EYA2: variants seen among roughly 807,000 people sequenced by gnomAD.
The protein encoded by EYA2 is protein phosphatase EYA2.
A neutral mutation model predicts 69.2 loss-of-function variants in EYA2; 31 were observed. That is an observed-to-expected ratio of 0.45 (90% confidence interval 0.34 to 0.60). The LOEUF is 0.60. EYA2 is among the 20% of genes least tolerant of loss of function. EYA2 has a pLI of 0.02. For synonymous variants in EYA2, 257 were observed against 279.4 expected, an observed-to-expected ratio of 0.92 and a Z score of 0.80; for missense variants, 622 against 701.2, an observed-to-expected ratio of 0.89 and a Z score of 1.28.
At chr20:46,991,282 A>AG (rs995163725) in intron 2 of EYA2, among the ~76,000 whole-genome samples, 10 of 152,362 alleles carry the variant, frequency 6.6e-5, no homozygotes, top group Non-Finnish European at 1.2e-4. Context: ...TAGGCTGCTC[A>AG]GGGGGGAATC....
At chr20:46,920,234 T>A (rs202044196) in intron 1 of EYA2, among the ~76,000 whole-genome samples, 5 of 149,410 alleles carry the variant, frequency 3.3e-5, no homozygotes, top group Non-Finnish European at 5.9e-5. Context: ...TTAATTTGTT[T>A]AAAAAAAAAA....
At chr20:47,140,737 T>G (rs1164416099) in intron 9 of EYA2, among the ~76,000 whole-genome samples, 1 of 152,202 alleles carries the variant, frequency 6.6e-6, no homozygotes, top group African/African-American at 2.4e-5. Flanking sequence ...TTAGTCCATT[T>G]AGTGTTGCTA....
intron 9 of EYA2, among the ~76,000 whole-genome samples, chr20:47,135,836 A>AAAAAAAAAAAAAAAAAAAAAAAG (rs2033454991): frequency 1.2e-5 from 1 of 83,336 alleles, no homozygotes; most frequent in African/African-American, 7.7e-5. Flanking sequence ...AAAAAAAAAA[A>AAAAAAAAAAAAAAAAAAAAAAAG]AAAAACAAAC....
chr20:46,954,340 A>G (rs1978986669), intron 1 of EYA2, among the ~76,000 whole-genome samples: 1 of 152,210 alleles, frequency 6.6e-6, no homozygotes, highest in Non-Finnish European at 1.5e-5. Flanking sequence ...TTCAATAAAT[A>G]TTTGTGGAAG....
intron 10 of EYA2, among the ~76,000 whole-genome samples, 198 bp downstream of exon 10, chr20:47,143,346 T>C (rs2033636376): frequency 6.6e-6 from 1 of 152,202 alleles, no homozygotes; most frequent in Non-Finnish European, 1.5e-5. Context: ...GAAACACACT[T>C]AGCTCAATTA....
intron 1 of EYA2, among the ~76,000 whole-genome samples, chr20:46,979,183 C>T (rs980144189): frequency 2.6e-5 from 4 of 152,198 alleles, no homozygotes; most frequent in Admixed American, 1.3e-4. Context: ...GAAAGGTGAG[C>T]GGCCCACCCG....
At chr20:47,135,854 C>A (rs1206831) in intron 9 of EYA2, among the ~76,000 whole-genome samples, 20,462 of 57,778 alleles carry the variant, frequency 0.35, 3,141 homozygotes, top group African/African-American at 0.56. Flanking sequence ...AACAAACAAA[C>A]AAAAAACTAA....
chr20:46,971,014 T>TTAGGAAAGCTCATTAGATGAGTCTGAGTA (rs1980109276), intron 1 of EYA2, among the ~76,000 whole-genome samples: 1 of 151,776 alleles, frequency 6.6e-6, no homozygotes, highest in Non-Finnish European at 1.5e-5. Context: ...TGTGATGAGT[T>TTAGGAAAGCTCATTAGATGAGTCTGAGTA]TAGGAAAGCT....
chr20:47,033,892 A>G (rs1568736021), intron 5 of EYA2, among the ~76,000 whole-genome samples: 1 of 152,240 alleles, frequency 6.6e-6, no homozygotes, highest in Non-Finnish European at 1.5e-5. Context: ...ACATCATACC[A>G]TAACCTCTCC....
intron 9 of EYA2, among the ~76,000 whole-genome samples, chr20:47,130,524 C>G (rs2033317131): frequency 6.6e-6 from 1 of 151,870 alleles, no homozygotes; most frequent in South Asian, 2.1e-4. Context: ...CTCGGCCTCC[C>G]AAAGTGCTGG....
intron 1 of EYA2, among the ~76,000 whole-genome samples, chr20:46,946,218 C>T (rs1371811212): frequency 1.3e-5 from 2 of 152,220 alleles, no homozygotes; most frequent in African/African-American, 4.8e-5. Context: ...AGCGGGAGGG[C>T]TGCTTCCCTC....
At chr20:46,899,878 G>C (rs767641141) in intron 1 of EYA2, among the ~76,000 whole-genome samples, 1 of 152,186 alleles carries the variant, frequency 6.6e-6, no homozygotes, top group Non-Finnish European at 1.5e-5. Flanking sequence ...GTGCCTGCTC[G>C]TGCATTTTTG....
intron 9 of EYA2, among the ~76,000 whole-genome samples, chr20:47,130,032 C>T (rs887642321): frequency 2.0e-5 from 3 of 151,168 alleles, no homozygotes; most frequent in African/African-American, 4.9e-5. Flanking sequence ...ACCCCCACCA[C>T]GGATCAGATC....
chr20:47,110,436 A>G (rs1013953918), intron 9 of EYA2, among the ~76,000 whole-genome samples: 1 of 151,938 alleles, frequency 6.6e-6, no homozygotes, highest in Non-Finnish European at 1.5e-5. Context: ...TGAGACAGGG[A>G]TCTCACTTTC....
At chr20:47,024,183 G>C (rs1392724524) in intron 5 of EYA2, among the ~76,000 whole-genome samples, 1 of 152,158 alleles carries the variant, frequency 6.6e-6, no homozygotes, top group African/African-American at 2.4e-5. Context: ...TCAGATGCTG[G>C]ATATTTTTAT....
chr20:47,154,195 C>T (rs973707849), intron 10 of EYA2, among the ~76,000 whole-genome samples: 3 of 151,956 alleles, frequency 2.0e-5, no homozygotes, highest in African/African-American at 7.2e-5. Context: ...GTGTCTTCAC[C>T]CGGCCTTTCC....
intron 11 of EYA2, 62 bp from the exon 12 acceptor site, chr20:47,172,645 C>A: frequency 6.6e-7 from 1 of 1,522,108 alleles, no homozygotes. Flanking sequence ...CCTGTGGTCT[C>A]CCAGGGAAGA....
intron 5 of EYA2, among the ~76,000 whole-genome samples, chr20:47,038,035 C>T (rs1200257066): frequency 6.6e-6 from 1 of 152,140 alleles, no homozygotes; most frequent in Non-Finnish European, 1.5e-5. Flanking sequence ...AAAAACTGCC[C>T]TTGCAGGGTT....
In EYA2 at chr20:47,184,339, C is replaced by T. The variant is rs983775982; in HGVS notation, c.1536+948C>T. On this transcript the variant is annotated intron_variant, in intron 15 of 15. Coordinates refer to ENST00000327619, the MANE Select transcript of EYA2 (RefSeq NM_005244.5). ...GACCTAACCCCATGCCCTTCACCAC[C>T]GTAACTTTATTGCTAACATCATCAT... Among the ~76,000 whole-genome samples, 9 of 152,016 alleles carry T rather than the reference C, an allele frequency of 5.9e-5. No individual in the cohort carries two copies. In the East Asian group the frequency reaches 1.4e-3, roughly 23 times the overall value.
Sources: allele counts gnomAD v4.1 joint callset (sites outside exome capture counted in the v4.1 genomes callset), GRCh38; gene constraint gnomAD v4.1.1; transcripts MANE v1.5; gene names NCBI Gene and HGNC (gene_info 2026-07-23, HGNC 2026-07-21).